PCDH11X: variants seen among roughly 807,000 people sequenced by gnomAD.
PCDH11X encodes protocadherin 11 X-linked.
Under a neutral mutation model 53.3 loss-of-function variants are expected in PCDH11X, and 18 were observed. That is an observed-to-expected ratio of 0.34 (90% CI 0.23 to 0.50). The LOEUF is 0.50. PCDH11X is among the 20% of genes least tolerant of loss of function. The pLI is 0.98. For missense variants in PCDH11X, 570 were observed against 1,032.4 expected (o/e 0.55, Z 6.14); for synonymous variants, 279 against 393.3 (o/e 0.71, Z 3.44).
At chrX:92,450,884 T>G (rs2148646441) in intron 9 of PCDH11X, among the ~76,000 whole-genome samples, 1 of 111,503 alleles carries the variant, frequency 9.0e-6, no homozygotes, top group Admixed American at 9.6e-5. Flanking sequence ...AGTGAGTGGG[T>G]ATACTGTAAA....
chrX:92,076,045 T>G (rs1408394314), intron 6 of PCDH11X, among the ~76,000 whole-genome samples: 2 of 110,384 alleles, frequency 1.8e-5, no homozygotes, highest in African/African-American at 3.3e-5. Flanking sequence ...ATAGTAAGAC[T>G]TCGGTAAAAT....
intron 10 of PCDH11X, among the ~76,000 whole-genome samples, chrX:92,594,512 G>T (rs1466350012): frequency 3.7e-5 from 4 of 108,425 alleles, no homozygotes; most frequent in African/African-American, 1.3e-4. Context: ...TATGTTTTTA[G>T]TAATAATTAT....
At chrX:92,519,619 GT>G (rs2074333360) in intron 10 of PCDH11X, among the ~76,000 whole-genome samples, 3 of 109,929 alleles carry the variant, frequency 2.7e-5, no homozygotes, top group African/African-American at 6.6e-5. Context: ...CGTATTCTTT[GT>G]TTTTTTGACT....
chrX:92,008,016 C>T (rs1396573933), intron 6 of PCDH11X, among the ~76,000 whole-genome samples: 1 of 110,549 alleles, frequency 9.0e-6, no homozygotes, highest in African/African-American at 3.3e-5. Context: ...CAGGTGGTAT[C>T]CTAGATGAAA....
chrX:92,214,631 TA>T (rs760139552), intron 7 of PCDH11X, among the ~76,000 whole-genome samples: 5 of 111,513 alleles, frequency 4.5e-5, no homozygotes, highest in Non-Finnish European at 7.5e-5. Flanking sequence ...AATTGGAAGG[TA>T]AAACAGGAAG....
At chrX:92,520,607 C>T (rs1367542864) in intron 10 of PCDH11X, among the ~76,000 whole-genome samples, 7 of 107,618 alleles carry the variant, frequency 6.5e-5, no homozygotes, top group Non-Finnish European at 1.2e-4. Flanking sequence ...AGCCACCACA[C>T]CTGGCCTGGC....
At chrX:91,905,098 T>TTTA (rs200229863) in intron 6 of PCDH11X, among the ~76,000 whole-genome samples, 6,488 of 99,941 alleles carry the variant, frequency 0.065, 207 homozygotes, top group African/African-American at 0.09. Context: ...TACTTTTTTG[T>TTTA]TTATTATTAT....
intron 10 of PCDH11X, among the ~76,000 whole-genome samples, chrX:92,559,174 T>C (rs897938712): frequency 3.1e-4 from 34 of 110,495 alleles, no homozygotes; most frequent in African/African-American, 1.1e-3. Context: ...GTCAAAAAAA[T>C]CTGAAAATTA....
chrX:92,423,877 G>C (rs1207361161), intron 9 of PCDH11X, among the ~76,000 whole-genome samples: 6 of 97,102 alleles, frequency 6.2e-5, no homozygotes, highest in Non-Finnish European at 1.4e-4. Flanking sequence ...GTACCATGCT[G>C]TTTTGGTGAT....
At chrX:92,299,187 C>G (rs1339808507) in intron 8 of PCDH11X, among the ~76,000 whole-genome samples, 1 of 111,370 alleles carries the variant, frequency 9.0e-6, no homozygotes. Context: ...TTAAGAATTC[C>G]GTCATTATCT....
intron 8 of PCDH11X, among the ~76,000 whole-genome samples, chrX:92,269,853 A>G (rs966419670): frequency 1.8e-5 from 2 of 111,420 alleles, no homozygotes; most frequent in Non-Finnish European, 3.8e-5. Context: ...AATTAATTAC[A>G]TTCCCCTCCT....
At chrX:92,029,789 C>T (rs2063019878) in intron 6 of PCDH11X, among the ~76,000 whole-genome samples, 1 of 111,376 alleles carries the variant, frequency 9.0e-6, no homozygotes, top group Non-Finnish European at 1.9e-5. Flanking sequence ...GCTTAATGAA[C>T]ATTGCATTTG....
chrX:92,143,040 G>A (rs1015467418), intron 6 of PCDH11X, among the ~76,000 whole-genome samples: 63 of 111,421 alleles, frequency 5.7e-4, no homozygotes, highest in Admixed American at 2.9e-4. Context: ...ATTTTGGGAG[G>A]CTAAGGTGGG....
At chrX:92,513,365 C>T (rs1324168702) in intron 10 of PCDH11X, among the ~76,000 whole-genome samples, 2 of 107,293 alleles carry the variant, frequency 1.9e-5, no homozygotes, top group Admixed American at 1.0e-4. Context: ...AAAAATATTA[C>T]TAGCAAAAAT....
At chrX:92,264,551 T>C (rs1271666400) in intron 8 of PCDH11X, among the ~76,000 whole-genome samples, 1 of 111,123 alleles carries the variant, frequency 9.0e-6, no homozygotes, top group African/African-American at 3.3e-5. Context: ...AGAGAGAGAA[T>C]GAAAGAGAGA....
At chrX:92,219,031 T>C (rs1161805160) in intron 7 of PCDH11X, among the ~76,000 whole-genome samples, 11 of 111,388 alleles carry the variant, frequency 9.9e-5, no homozygotes, top group Non-Finnish European at 1.9e-4. Context: ...AAATTAGGTA[T>C]TGATGGGACG....
intron 6 of PCDH11X, among the ~76,000 whole-genome samples, chrX:92,098,601 G>A (rs1217993142): frequency 1.2e-4 from 13 of 104,662 alleles, no homozygotes; most frequent in Non-Finnish European, 2.5e-4. Context: ...AATCCACTGA[G>A]CTGGTTGTGC....
intron 10 of PCDH11X, among the ~76,000 whole-genome samples, chrX:92,512,284 C>T (rs1311953458): frequency 9.0e-6 from 1 of 111,715 alleles, no homozygotes; most frequent in East Asian, 2.8e-4. Context: ...TCAGTGCTTC[C>T]TCTTATGAAA....
At chrX:92,126,527 T>G (rs1197430187) in intron 6 of PCDH11X, among the ~76,000 whole-genome samples, 9 of 110,285 alleles carry the variant, frequency 8.2e-5, no homozygotes, top group Non-Finnish European at 1.7e-4. Context: ...GTGAATCGCT[T>G]TAACCTGGGA....
Sources: allele counts gnomAD v4.1 joint callset (sites outside exome capture counted in the v4.1 genomes callset), GRCh38; gene constraint gnomAD v4.1.1; transcripts MANE v1.5; gene names NCBI Gene and HGNC (gene_info 2026-07-23, HGNC 2026-07-21).